Variants in STS observed in about 807,000 individuals in gnomAD.
STS encodes the protein steroid sulfatase.
STS carries 7 observed loss-of-function variants against 26.8 expected under a neutral mutation model. That is an observed-to-expected ratio of 0.26 (90% CI 0.15 to 0.49). The LOEUF is 0.49. Among genes scored for constraint, STS ranks in the 20% least tolerant of loss-of-function variants. The pLI, the probability that STS is intolerant of heterozygous loss-of-function variation, is 0.98. For missense variants in STS, 434 were observed against 465.6 expected (o/e 0.93, Z 0.63); for synonymous variants, 199 against 189.4 (o/e 1.05, Z -0.42).
chrX:7,283,581 T>G (rs181802932), intron 7 of STS, among the ~76,000 whole-genome samples: 1 of 111,250 alleles, frequency 9.0e-6, no homozygotes, highest in African/African-American at 3.3e-5. Context: ...TCATCTCTGC[T>G]TGGAGACCAT....
At chrX:7,308,534 T>C (rs1187031779) in intron 8 of STS, among the ~76,000 whole-genome samples, 1 of 111,359 alleles carries the variant, frequency 9.0e-6, no homozygotes, top group East Asian at 2.8e-4. Context: ...GGAGCCTCAA[T>C]GGTCTTGAAT....
intron 7 of STS, among the ~76,000 whole-genome samples, chrX:7,302,753 T>C (rs1258085739): frequency 8.9e-6 from 1 of 111,788 alleles, no homozygotes; most frequent in Non-Finnish European, 1.9e-5. Flanking sequence ...CGGGACCAAG[T>C]GGGTGTGAGT....
rs942362992 is a variant in STS at position 7,152,370 on chromosome X, G to A, written c.-134+4287G>A. Among the ~76,000 whole-genome samples the A allele has an allele frequency of 6.3e-5, 7 of 111,558 alleles. 1 individual carries two copies. The highest frequency in any genetic ancestry group is 2.8e-4 in the Admixed American group (3 of 10,566). ...CTCACTGTGTTGCCCAGGGTGGAGT[G>A]CAGTGGCGTGAAGTCGGCTCACTGC... On this transcript the variant is annotated intron_variant, in intron 1 of 10. Coordinates refer to ENST00000674429, the MANE Select transcript of STS (RefSeq NM_001320752.2).
intron 2 of STS, among the ~76,000 whole-genome samples, chrX:7,210,251 A>G (rs1197855532): frequency 9.0e-6 from 1 of 110,990 alleles, no homozygotes; most frequent in Non-Finnish European, 1.9e-5. Flanking sequence ...ACAGTGTAAA[A>G]GTGTTCCTAT....
intron 2 of STS, chrX:7,252,338 T>C (rs1923179115): frequency 1.4e-6 from 1 of 736,607 alleles, no homozygotes. Context: ...GACATCGATA[T>C]TGAGTAAGTA....
chrX:7,150,700 A>C (rs1932994952), intron 1 of STS, among the ~76,000 whole-genome samples: 1 of 110,723 alleles, frequency 9.0e-6, no homozygotes, highest in South Asian at 3.9e-4. Flanking sequence ...CTTTTCAGTA[A>C]CATCACTTCT....
Position 7,353,894 on chromosome X carries a change from G to A in STS, c.*3633G>A, listed in dbSNP as rs887644136. 9.0e-6 allele frequency: 1 copy of A among 111,618 alleles called. No homozygotes were observed. The highest frequency in any genetic ancestry group is 1.9e-5 in the Non-Finnish European group (1 of 53,128). 9.2% of individuals were successfully genotyped at this position (111,618 alleles called of 1,213,427 possible). On this transcript the variant is annotated 3_prime_UTR_variant, in exon 11 of 11. Transcript: ENST00000674429. ...TTAATGCCTAGAGAATGGGATGTGT[G>A]ATGCAAATGCTCAAAACCTCTTAAA...
At chrX:7,334,398 T>C (rs1927914411) in intron 10 of STS, among the ~76,000 whole-genome samples, 1 of 111,706 alleles carries the variant, frequency 9.0e-6, no homozygotes, top group African/African-American at 3.3e-5. Context: ...AACAGGGCGC[T>C]GTGGCCGGTT....
chrX:7,150,501 G>A lies in STS; in HGVS notation c.-134+2418G>A, dbSNP rs770043451. ...TTCCCAAAGTGCTGGAATTACAGAC[G>A]TGAGCCACCGCCCCCGGCCAAAAAA... On this transcript the variant is annotated intron_variant, in intron 1 of 10. Transcript: ENST00000674429. Among the ~76,000 whole-genome samples, 83 of 111,486 alleles carry A rather than the reference G, an allele frequency of 7.4e-4. 1 individual carries two copies. Among genetic ancestry groups the A allele is most frequent in the Non-Finnish European group, 4.7e-4 (25 of 53,113 alleles).
At chrX:7,302,597 T>C (rs778369285) in intron 7 of STS, among the ~76,000 whole-genome samples, 3 of 112,032 alleles carry the variant, frequency 2.7e-5, no homozygotes, top group East Asian at 5.7e-4. Flanking sequence ...TTGAGAAACA[T>C]TGAACATACT....
At chrX:7,210,399 A>G (rs1169473226) in intron 2 of STS, among the ~76,000 whole-genome samples, 2 of 109,513 alleles carry the variant, frequency 1.8e-5, no homozygotes, top group Admixed American at 9.9e-5. Flanking sequence ...ACTTATATAT[A>G]TCTATACACA....
chrX:7,251,105 A>C (rs1211449596), intron 2 of STS, among the ~76,000 whole-genome samples: 1 of 112,116 alleles, frequency 8.9e-6, no homozygotes, highest in Non-Finnish European at 1.9e-5. Flanking sequence ...CAAGGGTGAC[A>C]TTCTTTAGGA....
At chrX:7,205,247 T>C (rs1934185740) in intron 2 of STS, among the ~76,000 whole-genome samples, 2 of 112,614 alleles carry the variant, frequency 1.8e-5, no homozygotes, top group African/African-American at 6.5e-5. Context: ...CACACCAACA[T>C]CCTGGTTTCA....
chrX:7,298,183 C>G (rs1305450504), intron 7 of STS, among the ~76,000 whole-genome samples: 1 of 111,238 alleles, frequency 9.0e-6, no homozygotes, highest in Non-Finnish European at 1.9e-5. Flanking sequence ...CTTAATAAAC[C>G]CCCCAAAAGA....
intron 9 of STS, among the ~76,000 whole-genome samples, chrX:7,327,173 G>T (rs1404929583): frequency 9.0e-6 from 1 of 110,760 alleles, no homozygotes; most frequent in African/African-American, 3.3e-5. Flanking sequence ...TGGCCACAAG[G>T]AATGTCCATT....
chrX:7,336,659 A>G (rs1569231011), intron 10 of STS, among the ~76,000 whole-genome samples: 1 of 112,409 alleles, frequency 8.9e-6, no homozygotes, highest in Admixed American at 9.5e-5. Flanking sequence ...TATAGCATCA[A>G]CTTCTGAGCT....
rs1389184621 is a variant in STS, at chrX:7,272,527, CATCCCTTCTAAGTAACAAG to C, written c.807-3422_807-3404del. Among the ~76,000 whole-genome samples, 5 of 111,918 alleles carry C rather than the reference CATCCCTTCTAAGTAACAAG, an allele frequency of 4.5e-5. No homozygotes were observed. In the East Asian group the frequency reaches 8.5e-4, roughly 19 times the overall value. On this transcript the variant is annotated intron_variant, in intron 6 of 10. Coordinates refer to ENST00000674429, the MANE Select transcript of STS (RefSeq NM_001320752.2). ...TCTAGAGCAACCGTTACATAAACCA[CATCCCTTCTAAGTAACAAG>C]AGACTTAGGCAGAAGTCTAAACCAT...
chrX:7,147,424 T>C (rs1015958816), upstream of STS, among the ~76,000 whole-genome samples: 1 of 111,483 alleles, frequency 9.0e-6, no homozygotes, highest in Non-Finnish European at 1.9e-5. Context: ...ATCACTGGTC[T>C]GGACTCCACT....
At position 7,351,153 on chromosome X, in the gene STS, T is replaced by C. The variant is rs1222196035; in HGVS notation, c.*892T>C. ...TTCTTTGGGGAATGGAAGTTCTGAA[T>C]TAAAAGCCCACTGTGGAGATGCTGT... On this transcript the variant is annotated 3_prime_UTR_variant, in exon 11 of 11. Coordinates refer to ENST00000674429, the MANE Select transcript of STS (RefSeq NM_001320752.2). 1 of 112,244 alleles carries C rather than the reference T, an allele frequency of 8.9e-6. No individual in the cohort carries two copies. The allele number at this position is 112,244 out of a possible 1,213,427, so 9.3% of individuals were successfully genotyped here.
Sources: gnomAD v4.1 joint callset for allele counts (sites outside exome capture counted in the v4.1 genomes callset) on GRCh38, gnomAD v4.1.1 for gene constraint, MANE v1.5 for transcripts, NCBI Gene and HGNC (gene_info 2026-07-23, HGNC 2026-07-21) for gene names.